BEND5: variants seen among roughly 807,000 people sequenced by gnomAD.
BEND5 encodes BEN domain-containing protein 5.
Under a neutral mutation model 43.9 loss-of-function variants are expected in BEND5, and 22 were observed. The observed-to-expected ratio is 0.50, with a 90% CI of 0.36 to 0.72. The LOEUF is 0.72. BEND5 is among the 30% of genes least tolerant of loss of function. The pLI is 0.00. For synonymous variants in BEND5, 228 were observed against 225.9 expected (o/e 1.01, Z -0.08); for missense variants, 428 against 550.6 (o/e 0.78, Z 2.23).
At chr1:48,741,674 A>G (rs1211001583) in intron 4 of BEND5, among the ~76,000 whole-genome samples, 1 of 152,244 alleles carries the variant, frequency 6.6e-6, no homozygotes, top group Non-Finnish European at 1.5e-5. Flanking sequence ...GACAAACCCA[A>G]ATAAAACAAA....
In BEND5 at chr1:48,775,900, C is replaced by G. The variant is rs538739638; in HGVS notation, c.226+706G>C. ...GCCCTCAACTCTCTCATTCAGGGAG[C>G]CTTCTGGGAGATTCAGAAAGGGGTG... On this transcript the variant is annotated intron_variant, in intron 1 of 5. Coordinates refer to ENST00000371833, the MANE Select transcript of BEND5 (RefSeq NM_024603.4). Among the ~76,000 whole-genome samples, 519 of 152,294 alleles carry G rather than the reference C, an allele frequency of 3.4e-3. 2 individuals are homozygous for G. Among genetic ancestry groups the G allele is most frequent in the African/African-American group, 0.01 (434 of 41,534 alleles).
chr1:48,742,948 G>C (rs745940043), intron 3 of BEND5, among the ~76,000 whole-genome samples, 177 bp from the exon 4 acceptor site: 1 of 152,174 alleles, frequency 6.6e-6, no homozygotes, highest in African/African-American at 2.4e-5. Flanking sequence ...TGTCACAAGG[G>C]AAAAGGTGGA....
chr1:48,733,543 A>G lies in BEND5; in HGVS notation c.1108+2696T>C, dbSNP rs1648499350. Among the ~76,000 whole-genome samples the G allele has an allele frequency of 2.0e-5, 3 of 152,210 alleles. No individual in the cohort carries two copies. The South Asian group carries it at 6.2e-4, about 32-fold the overall frequency. Reference sequence around the variant, plus strand: ...GGCTTGGAAAATGAGGTAGTAGATCAGGGAGGGAAACTCACACAACTTGGC... The same window carrying G: ...GGCTTGGAAAATGAGGTAGTAGATCGGGGAGGGAAACTCACACAACTTGGC... On this transcript the variant is annotated intron_variant, in intron 5 of 5. Transcript: ENST00000371833.
chr1:48,765,134 T>C (rs1644468879), intron 1 of BEND5, among the ~76,000 whole-genome samples: 1 of 152,358 alleles, frequency 6.6e-6, no homozygotes, highest in African/African-American at 2.4e-5. Flanking sequence ...CCTACCTTCT[T>C]TGTAGTCTAT....
intron 5 of BEND5, among the ~76,000 whole-genome samples, chr1:48,731,131 A>G (rs1426514492): frequency 6.6e-6 from 1 of 152,236 alleles, no homozygotes; most frequent in Non-Finnish European, 1.5e-5. Flanking sequence ...AGACAAAATA[A>G]ATACAAACAA....
At chr1:48,746,438 G>A (rs917345514) in intron 3 of BEND5, among the ~76,000 whole-genome samples, 5 of 152,146 alleles carry the variant, frequency 3.3e-5, no homozygotes, top group African/African-American at 9.7e-5. Context: ...GTTCACGACG[G>A]TCCCCTCAAG....
chr1:48,762,747 C>T (rs976411044), intron 1 of BEND5, among the ~76,000 whole-genome samples: 1 of 151,854 alleles, frequency 6.6e-6, no homozygotes, highest in African/African-American at 2.4e-5. Flanking sequence ...GAGAATGCAG[C>T]TTATAAGCAC....
chr1:48,746,716 G>A (rs571806055), intron 3 of BEND5, among the ~76,000 whole-genome samples: 1 of 152,288 alleles, frequency 6.6e-6, no homozygotes, highest in African/African-American at 2.4e-5. Flanking sequence ...TTTGAAGTCA[G>A]GTCATCTTAC....
chr1:48,768,651 C>T (rs938175239), intron 1 of BEND5, among the ~76,000 whole-genome samples: 1 of 152,148 alleles, frequency 6.6e-6, no homozygotes, highest in South Asian at 2.1e-4. Flanking sequence ...TTCCATTTGA[C>T]ATATAATCAG....
chr1:48,773,525 G>A (rs1644935277), intron 1 of BEND5, among the ~76,000 whole-genome samples: 1 of 152,166 alleles, frequency 6.6e-6, no homozygotes, highest in South Asian at 2.1e-4. Flanking sequence ...AGGGAGGATG[G>A]TAATGGAGAA....
chr1:48,776,825 C>T lies in BEND5; in HGVS notation c.7G>A (p.Ala3Thr). The T allele has an allele frequency of 6.6e-7, 1 of 1,504,632 alleles. No homozygotes were observed. Among genetic ancestry groups the T allele is most frequent in the Non-Finnish European group, 8.9e-7 (1 of 1,128,736 alleles). 93.2% of individuals were successfully genotyped at this position (1,504,632 alleles called of 1,614,324 possible). ...TTGTCCTCCAGGAACCGCACAAAGGCGTACATGGTGGGCGCCGGGGGCGGG... is the reference window on the plus strand; with the variant it reads ...TTGTCCTCCAGGAACCGCACAAAGGTGTACATGGTGGGCGCCGGGGGCGGG... MY[A>T]FVRFLEDNVC... The change falls in exon 1 of 6, where the codon GCC (alanine) becomes ACC (threonine). Residue 3 changes from alanine (A) to threonine (T), a missense_variant. Ala to Thr is a moderately conservative substitution (Grantham distance 58, BLOSUM62 0). Transcript: ENST00000371833.
intron 5 of BEND5, among the ~76,000 whole-genome samples, chr1:48,734,852 G>A (rs1648764390): frequency 6.6e-6 from 1 of 152,190 alleles, no homozygotes; most frequent in South Asian, 2.1e-4. Flanking sequence ...TCTGCCCCCA[G>A]AGTCTGCTGA....
intron 3 of BEND5, among the ~76,000 whole-genome samples, chr1:48,744,968 T>C (rs1405333662): frequency 1.3e-5 from 2 of 148,982 alleles, no homozygotes; most frequent in African/African-American, 4.9e-5. Context: ...GTCTCCTTTG[T>C]GAGGCTTGAT....
intron 3 of BEND5, among the ~76,000 whole-genome samples, chr1:48,757,550 C>T (rs1368673726): frequency 6.6e-6 from 1 of 152,100 alleles, no homozygotes; most frequent in Admixed American, 6.5e-5. Context: ...CCTCTGCCTC[C>T]CTAAGTAACT....
intron 1 of BEND5, among the ~76,000 whole-genome samples, chr1:48,770,397 G>A (rs1285504965): frequency 1.3e-5 from 2 of 152,084 alleles, no homozygotes; most frequent in African/African-American, 2.4e-5. Flanking sequence ...ATCTCTGCTG[G>A]TTATCCCCTG....
chr1:48,744,843 C>T (rs1650480273), intron 3 of BEND5, among the ~76,000 whole-genome samples: 1 of 152,208 alleles, frequency 6.6e-6, no homozygotes, highest in South Asian at 2.1e-4. Flanking sequence ...TTCACCTCTG[C>T]TCAGGTACCC....
At chr1:48,776,530 CGCCCGGG>C in intron 1 of BEND5, 69 bp downstream of exon 1, 124 of 1,122,244 alleles carry the variant, frequency 1.1e-4, no homozygotes, top group Non-Finnish European at 1.3e-4. Context: ...CGGTCCCCTC[CGCCCGGG>C]CCCCCGGCCC....
At chr1:48,768,383 A>G (rs1644636948) in intron 1 of BEND5, among the ~76,000 whole-genome samples, 1 of 152,232 alleles carries the variant, frequency 6.6e-6, no homozygotes, top group Admixed American at 6.5e-5. Flanking sequence ...TCAAAGCCAC[A>G]AAGAGCTTTC....
At chr1:48,749,786 T>C (rs1223661843) in intron 3 of BEND5, among the ~76,000 whole-genome samples, 4 of 152,338 alleles carry the variant, frequency 2.6e-5, no homozygotes, top group East Asian at 1.9e-4. Context: ...ACTTCTCTCC[T>C]GCCCAACTAT....
Sources: gnomAD v4.1 joint callset for allele counts (sites outside exome capture counted in the v4.1 genomes callset) on GRCh38, gnomAD v4.1.1 for gene constraint, MANE v1.5 for transcripts, NCBI Gene and HGNC (gene_info 2026-07-23, HGNC 2026-07-21) for gene names.